The following PPP4R2 variants were observed in gnomAD, a reference collection of about 807,000 sequenced individuals.
The protein encoded by PPP4R2 is serine/threonine-protein phosphatase 4 regulatory subunit 2.
Under a neutral mutation model 47.2 loss-of-function variants are expected in PPP4R2, and 13 were observed. The observed-to-expected ratio is 0.28, with a 90% CI of 0.18 to 0.44. The LOEUF is 0.44. Among genes scored for constraint, PPP4R2 ranks in the 20% least tolerant of loss-of-function variants. The probability of loss-of-function intolerance (pLI) is 1.00; values close to 1 mark genes in which losing one functional copy is unlikely to be tolerated. For missense variants in PPP4R2, 421 were observed against 491.2 expected, an observed-to-expected ratio of 0.86 and a Z score of 1.35; for synonymous variants, 151 against 163.3, an observed-to-expected ratio of 0.92 and a Z score of 0.57.
chr3:73,053,201 C>G (rs1702655820), intron 3 of PPP4R2, among the ~76,000 whole-genome samples: 1 of 152,176 alleles, frequency 6.6e-6, no homozygotes, highest in Non-Finnish European at 1.5e-5. Context: ...TTAAAATGTA[C>G]TTATTTGTGG....
chr3:73,004,732 C>T (rs1000548032), intron 2 of PPP4R2, among the ~76,000 whole-genome samples: 6 of 152,142 alleles, frequency 3.9e-5, no homozygotes, highest in Non-Finnish European at 7.3e-5. Flanking sequence ...ACAGAGGTGT[C>T]ACCATGCCTG....
At chr3:73,030,847 A>T (rs1702153298) in intron 2 of PPP4R2, among the ~76,000 whole-genome samples, 1 of 151,910 alleles carries the variant, frequency 6.6e-6, no homozygotes, top group African/African-American at 2.4e-5. Flanking sequence ...GATTACAAGC[A>T]CGCGCCACCA....
At chr3:73,003,860 G>A (rs1037108982) in intron 2 of PPP4R2, among the ~76,000 whole-genome samples, 1 of 151,826 alleles carries the variant, frequency 6.6e-6, no homozygotes, top group African/African-American at 2.4e-5. Flanking sequence ...CACCACGCCC[G>A]GCTACTTTTT....
Position 73,066,260 on chromosome 3 carries a change from AT to A in PPP4R2, c.*539del, listed in dbSNP as rs1702994779. ...CATACATATATATATATATATATAT[AT>A]AATTCTAAGGGGGGAAATGTTATAT... On this transcript the variant is annotated 3_prime_UTR_variant, in exon 9 of 9. Transcript: ENST00000356692. The A allele has an allele frequency of 6.8e-6, 1 of 147,350 alleles. No individual in the cohort carries two copies. Among genetic ancestry groups the A allele is most frequent in the African/African-American group, 2.5e-5 (1 of 40,630 alleles). The allele number at this position is 147,350 out of a possible 1,614,324, so 9.1% of individuals were successfully genotyped here.
chr3:73,047,507 TTACAACTATTTAA>T (rs1261330850), intron 3 of PPP4R2, 151 bp downstream of exon 3: 1 of 521,218 alleles, frequency 1.9e-6, no homozygotes, highest in African/African-American at 2.0e-5. Context: ...GATTTTTAGC[TTACAACTATTTAA>T]AATATTTGTA....
intron 2 of PPP4R2, among the ~76,000 whole-genome samples, chr3:73,012,913 T>C (rs1701753222): frequency 6.6e-6 from 1 of 151,794 alleles, no homozygotes; most frequent in African/African-American, 2.4e-5. Context: ...TTTTTTTTTT[T>C]TTTTTTTAAA....
intron 2 of PPP4R2, among the ~76,000 whole-genome samples, chr3:73,020,883 GTCT>G (rs1201164777): frequency 3.3e-5 from 5 of 151,992 alleles, no homozygotes; most frequent in Middle Eastern, 6.8e-3. Flanking sequence ...GTTCTCAGGT[GTCT>G]TCTTATAAGG....
rs1005649641 is a variant in PPP4R2, at chr3:72,997,347, G to C, written c.34+276G>C. 1.1e-5 allele frequency: 4 copies of C among 374,494 alleles called. No individual in the cohort carries two copies. The Admixed American group carries it at 1.8e-4, about 17-fold the overall frequency. 23.2% of individuals were successfully genotyped at this position (374,494 alleles called of 1,614,324 possible). ...CCCCAGTCTTTCTCCCACCCGTTCA[G>C]GGGACGAGTGGCGGACCCGCAGACC... is the stretch of plus-strand genomic sequence containing the variant. On this transcript the variant is annotated intron_variant, in intron 1 of 8. Coordinates refer to ENST00000356692, the MANE Select transcript of PPP4R2 (RefSeq NM_174907.4).
chr3:73,035,623 TTC>T (rs991710952), intron 2 of PPP4R2, among the ~76,000 whole-genome samples: 3 of 152,144 alleles, frequency 2.0e-5, no homozygotes, highest in African/African-American at 4.8e-5. Flanking sequence ...TACCTGCACT[TTC>T]TTTTTTTTTC....
At chr3:73,052,561 A>G (rs1010061112) in intron 3 of PPP4R2, among the ~76,000 whole-genome samples, 3 of 134,570 alleles carry the variant, frequency 2.2e-5, no homozygotes, top group African/African-American at 8.8e-5. Context: ...TCATTCCTAT[A>G]ATGGTATACA....
At chr3:73,038,118 A>G (rs980613526) in intron 2 of PPP4R2, among the ~76,000 whole-genome samples, 1 of 152,170 alleles carries the variant, frequency 6.6e-6, no homozygotes, top group Non-Finnish European at 1.5e-5. Context: ...GGAATTGGTT[A>G]TCAACTAGAT....
At chr3:73,041,023 C>T (rs1333569676) in intron 2 of PPP4R2, among the ~76,000 whole-genome samples, 1 of 152,150 alleles carries the variant, frequency 6.6e-6, no homozygotes, top group African/African-American at 2.4e-5. Context: ...ATACATACTT[C>T]TATGTCTTTA....
intron 2 of PPP4R2, among the ~76,000 whole-genome samples, chr3:73,023,305 G>C (rs1284274681): frequency 6.7e-6 from 1 of 150,030 alleles, no homozygotes; most frequent in Non-Finnish European, 1.5e-5. Flanking sequence ...TTCTGCCTCA[G>C]CCTCCCGAGT....
At chr3:73,061,161 T>C (rs1702850474) in intron 5 of PPP4R2, 101 bp downstream of exon 5, 1 of 503,406 alleles carries the variant, frequency 2.0e-6, no homozygotes, top group Non-Finnish European at 3.3e-6. Context: ...TTATTTAATA[T>C]GTAATTAAGT....
chr3:73,005,378 G>A (rs1447114631), intron 2 of PPP4R2, among the ~76,000 whole-genome samples: 3 of 149,950 alleles, frequency 2.0e-5, no homozygotes, highest in East Asian at 3.9e-4. Flanking sequence ...CACTGGTGGT[G>A]TAGTCTTTCA....
intron 3 of PPP4R2, among the ~76,000 whole-genome samples, chr3:73,058,590 C>G (rs1702775850): frequency 6.6e-6 from 1 of 151,872 alleles, no homozygotes; most frequent in South Asian, 2.1e-4. Context: ...TAGAGCCATA[C>G]AATGCATTAT....
At chr3:73,046,118 A>G (rs1023595757) in intron 2 of PPP4R2, among the ~76,000 whole-genome samples, 1 of 152,192 alleles carries the variant, frequency 6.6e-6, no homozygotes, top group Non-Finnish European at 1.5e-5. Context: ...TACAGCTAGT[A>G]ATACAGTTTG....
At chr3:73,021,106 GAT>G (rs1214238163) in intron 2 of PPP4R2, among the ~76,000 whole-genome samples, 1 of 152,048 alleles carries the variant, frequency 6.6e-6, no homozygotes, top group African/African-American at 2.4e-5. Context: ...GCTTTATGCA[GAT>G]ATGTTTTTGA....
chr3:73,047,294 C>T lies in PPP4R2; in HGVS notation c.225C>T (p.Val75=), dbSNP rs769007114. The change falls in exon 3 of 9, where the codon GTC becomes GTT. Residue 75 remains valine, a synonymous_variant. Transcript: ENST00000356692. ...PEPRGPPNPN[V]EYIPFDEMKE... is the part of the protein sequence containing the mutation. ...CAAGAGGTCCTCCCAACCCTAATGTCGAATATATTCCCTTTGATGAAATGA... is the reference window on the plus strand; with the variant it reads ...CAAGAGGTCCTCCCAACCCTAATGTTGAATATATTCCCTTTGATGAAATGA... 23 of 1,611,842 alleles carry T rather than the reference C, an allele frequency of 1.4e-5. No homozygotes were observed. The highest frequency in any genetic ancestry group is 4.0e-5 in the African/African-American group (3 of 74,830).
Sources: gnomAD v4.1 joint callset for allele counts (sites outside exome capture counted in the v4.1 genomes callset) on GRCh38, gnomAD v4.1.1 for gene constraint, MANE v1.5 for transcripts, NCBI Gene and HGNC (gene_info 2026-07-23, HGNC 2026-07-21) for gene names.